ANKS1B: variants seen among roughly 807,000 people sequenced by gnomAD.
ANKS1B encodes ankyrin repeat and sterile alpha motif domain-containing protein 1B.
A neutral mutation model predicts 148.3 loss-of-function variants in ANKS1B; 36 were observed. That is an observed-to-expected ratio of 0.24 (90% CI 0.19 to 0.32). ANKS1B has a LOEUF of 0.32. ANKS1B is among the 10% of genes least tolerant of loss of function. The probability of loss-of-function intolerance (pLI) is 1.00; values close to 1 mark genes in which losing one functional copy is unlikely to be tolerated. For missense variants in ANKS1B, 1,157 were observed against 1,542.6 expected, an observed-to-expected ratio of 0.75 and a Z score of 4.19; for synonymous variants, 542 against 560.8, an observed-to-expected ratio of 0.97 and a Z score of 0.47.
intron 12 of ANKS1B, among the ~76,000 whole-genome samples, chr12:99,333,133 G>A (rs1021983089): frequency 6.6e-6 from 1 of 152,014 alleles, no homozygotes; most frequent in African/African-American, 2.4e-5. Context: ...GAAAAGTAAA[G>A]GCAGATAAGG....
chr12:99,506,406 T>C (rs1053557895), intron 9 of ANKS1B, among the ~76,000 whole-genome samples: 2 of 152,000 alleles, frequency 1.3e-5, no homozygotes, highest in East Asian at 3.9e-4. Flanking sequence ...TCAATTATGG[T>C]CATGATACTC....
downstream of ANKS1B, among the ~76,000 whole-genome samples, chr12:98,741,750 T>C (rs996151290): frequency 6.6e-6 from 1 of 152,228 alleles, no homozygotes; most frequent in African/African-American, 2.4e-5. Context: ...ATTGTTTTTT[T>C]CCTCTCAGAC....
chr12:99,324,648 T>C (rs1452418360), intron 12 of ANKS1B, among the ~76,000 whole-genome samples: 2 of 152,270 alleles, frequency 1.3e-5, no homozygotes, highest in South Asian at 2.1e-4. Flanking sequence ...AATGCAGAAG[T>C]CAAATTTCAT....
At chr12:99,160,563 T>C (rs971823597) in intron 14 of ANKS1B, among the ~76,000 whole-genome samples, 2 of 151,138 alleles carry the variant, frequency 1.3e-5, no homozygotes, top group Non-Finnish European at 2.9e-5. Context: ...TTAGCCAGGA[T>C]GGTCTCGATC....
chr12:98,976,066 A>G (rs1038253167), intron 17 of ANKS1B, among the ~76,000 whole-genome samples: 11 of 152,376 alleles, frequency 7.2e-5, no homozygotes, highest in African/African-American at 2.6e-4. Context: ...TATGTGCTTA[A>G]AGTGAAAACA....
chr12:99,682,564 A>G (rs903870671), intron 8 of ANKS1B, among the ~76,000 whole-genome samples: 7 of 152,216 alleles, frequency 4.6e-5, no homozygotes, highest in Admixed American at 6.5e-5. Flanking sequence ...CTGAACAATA[A>G]TAGTGACACA....
chr12:99,306,140 C>A (rs1490093062), intron 12 of ANKS1B, among the ~76,000 whole-genome samples: 3 of 152,024 alleles, frequency 2.0e-5, no homozygotes, highest in South Asian at 4.2e-4. Context: ...GTGCTTCAAT[C>A]CAGAAATTCC....
intron 2 of ANKS1B, among the ~76,000 whole-genome samples, chr12:99,824,369 G>A (rs913378403): frequency 1.3e-5 from 2 of 151,994 alleles, no homozygotes; most frequent in African/African-American, 4.8e-5. Context: ...GCGTGGTGGT[G>A]GGCATCTGTA....
intron 9 of ANKS1B, among the ~76,000 whole-genome samples, chr12:99,547,529 T>C (rs557496406): frequency 2.2e-4 from 33 of 152,208 alleles, no homozygotes; most frequent in African/African-American, 7.7e-4. Context: ...GCAATAATAT[T>C]GTCTGGGAGC....
At chr12:98,977,743 A>G (rs2099899723) in intron 17 of ANKS1B, among the ~76,000 whole-genome samples, 1 of 152,224 alleles carries the variant, frequency 6.6e-6, no homozygotes. Context: ...AAGTATAGAA[A>G]TAAAGTGTTT....
At chr12:99,181,226 G>A (rs1341249570) in intron 14 of ANKS1B, among the ~76,000 whole-genome samples, 1 of 151,322 alleles carries the variant, frequency 6.6e-6, no homozygotes, top group Non-Finnish European at 1.5e-5. Flanking sequence ...CTTGCGATAA[G>A]TTAGGAAAAA....
chr12:99,541,725 G>A (rs1396916984), intron 9 of ANKS1B, among the ~76,000 whole-genome samples: 1 of 151,884 alleles, frequency 6.6e-6, no homozygotes, highest in Non-Finnish European at 1.5e-5. Flanking sequence ...TGTGGTGGCA[G>A]ACACCTGTAA....
chr12:99,982,087 T>C (rs912854145), intron 1 of ANKS1B, among the ~76,000 whole-genome samples: 2 of 152,094 alleles, frequency 1.3e-5, no homozygotes, highest in Admixed American at 1.3e-4. Flanking sequence ...TAAAAGCAAG[T>C]TTAAAGGTTA....
intron 15 of ANKS1B, among the ~76,000 whole-genome samples, chr12:99,140,895 C>A (rs923477526): frequency 6.6e-6 from 1 of 152,130 alleles, no homozygotes; most frequent in Non-Finnish European, 1.5e-5. Flanking sequence ...ATCCTTATAT[C>A]TTCTACATCC....
At chr12:99,657,582 A>G (rs1044736317) in intron 8 of ANKS1B, among the ~76,000 whole-genome samples, 3 of 151,530 alleles carry the variant, frequency 2.0e-5, no homozygotes, top group African/African-American at 7.3e-5. Context: ...GGGATTTTTG[A>G]CCCTACAGAT....
chr12:99,524,878 T>C (rs920785233), intron 9 of ANKS1B, among the ~76,000 whole-genome samples: 1 of 152,092 alleles, frequency 6.6e-6, no homozygotes, highest in Non-Finnish European at 1.5e-5. Flanking sequence ...TCCCACAGCA[T>C]AGGAATCACG....
Position 99,488,433 on chromosome 12 carries a change from C to T in ANKS1B, c.1438+16043G>A, listed in dbSNP as rs555236648. On this transcript the variant is annotated intron_variant, in intron 10 of 26. Transcript: ENST00000683438. Reference sequence around the variant, plus strand: ...TTCTTTTAGTCTTCATTATTGGTTTCGAAGATATATTTTCCTAATTTTTAG... The same window carrying T: ...TTCTTTTAGTCTTCATTATTGGTTTTGAAGATATATTTTCCTAATTTTTAG... Among the ~76,000 whole-genome samples, 9 of 152,118 alleles carry T rather than the reference C, an allele frequency of 5.9e-5. No homozygotes were observed. The South Asian group carries it at 6.2e-4, about 11-fold the overall frequency.
At chr12:98,814,342 G>C (rs761603515) in intron 19 of ANKS1B, among the ~76,000 whole-genome samples, 8 of 152,188 alleles carry the variant, frequency 5.3e-5, no homozygotes, top group Non-Finnish European at 1.0e-4. Flanking sequence ...CGAATGAATG[G>C]AATCATATAA....
intron 8 of ANKS1B, among the ~76,000 whole-genome samples, chr12:99,683,969 A>C (rs562450218): frequency 6.6e-6 from 1 of 152,270 alleles, no homozygotes; most frequent in East Asian, 1.9e-4. Flanking sequence ...TTAAGGTAAT[A>C]AAATCCATCT....
Sources: allele counts gnomAD v4.1 joint callset (sites outside exome capture counted in the v4.1 genomes callset), GRCh38; gene constraint gnomAD v4.1.1; transcripts MANE v1.5; gene names NCBI Gene and HGNC (gene_info 2026-07-23, HGNC 2026-07-21).